SYN3: variants seen among roughly 807,000 people sequenced by gnomAD.
SYN3 encodes the protein synapsin III, also known as synapsin-3.
A neutral mutation model predicts 65.8 loss-of-function variants in SYN3; 35 were observed. The ratio of observed to expected loss-of-function variants is 0.53; its 90% CI spans 0.41 to 0.70. SYN3 has a LOEUF of 0.70. SYN3 is among the 30% of genes least tolerant of loss of function. SYN3 has a pLI of 0.00. For missense variants in SYN3, 680 were observed against 749.0 expected, an observed-to-expected ratio of 0.91 and a Z score of 1.08; for synonymous variants, 270 against 292.9, an observed-to-expected ratio of 0.92 and a Z score of 0.80.
intron 2 of SYN3, among the ~76,000 whole-genome samples, chr22:32,987,836 A>T (rs1237628680): frequency 6.6e-6 from 1 of 152,228 alleles, no homozygotes; most frequent in Non-Finnish European, 1.5e-5. Context: ...CAGCAGATAC[A>T]GTGGCAGATG....
intron 2 of SYN3, among the ~76,000 whole-genome samples, chr22:33,000,894 TG>T (rs2053041247): frequency 6.6e-6 from 1 of 152,148 alleles, no homozygotes; most frequent in Non-Finnish European, 1.5e-5. Context: ...TGGCCGCTCC[TG>T]GTGGCAGGGG....
intron 3 of SYN3, among the ~76,000 whole-genome samples, chr22:32,939,287 A>C (rs956704080): frequency 7.2e-5 from 11 of 152,210 alleles, no homozygotes; most frequent in African/African-American, 2.7e-4. Flanking sequence ...CTCACAGTAT[A>C]TGTGAAGTGG....
At chr22:32,771,908 G>A (rs1358742781) in intron 6 of SYN3, among the ~76,000 whole-genome samples, 1 of 152,172 alleles carries the variant, frequency 6.6e-6, no homozygotes, top group Non-Finnish European at 1.5e-5. Flanking sequence ...AGGGGAGAGG[G>A]AGTACATTTC....
chr22:32,619,386 A>G (rs2059564682), intron 6 of SYN3, among the ~76,000 whole-genome samples: 1 of 152,202 alleles, frequency 6.6e-6, no homozygotes, highest in South Asian at 2.1e-4. Flanking sequence ...TAGGAGTTCC[A>G]CCCCTGTTCT....
At chr22:32,827,819 G>A (rs962361301) in intron 6 of SYN3, among the ~76,000 whole-genome samples, 1 of 152,174 alleles carries the variant, frequency 6.6e-6, no homozygotes, top group African/African-American at 2.4e-5. Context: ...CAGGCTCCAA[G>A]TTTGTCACTG....
intron 6 of SYN3, among the ~76,000 whole-genome samples, chr22:32,708,605 C>T (rs185968742): frequency 2.6e-5 from 4 of 152,176 alleles, no homozygotes; most frequent in African/African-American, 4.8e-5. Flanking sequence ...GGACCCTACC[C>T]GGTGGTTTGG....
chr22:32,523,916 T>C (rs994113815), intron 12 of SYN3, among the ~76,000 whole-genome samples: 6 of 152,174 alleles, frequency 3.9e-5, no homozygotes, highest in African/African-American at 1.4e-4. Flanking sequence ...CAAAACAGCC[T>C]CATTGCTGAT....
chr22:32,879,621 C>T (rs2049074023), intron 4 of SYN3, among the ~76,000 whole-genome samples: 1 of 152,222 alleles, frequency 6.6e-6, no homozygotes, highest in African/African-American at 2.4e-5. Context: ...CCAAAGACTT[C>T]ATCTCCTAAT....
chr22:32,785,774 A>G (rs1246799179), intron 6 of SYN3, among the ~76,000 whole-genome samples: 1 of 152,088 alleles, frequency 6.6e-6, no homozygotes, highest in African/African-American at 2.4e-5. Flanking sequence ...TGGTTTATCC[A>G]TCTGTTTCTG....
intron 1 of SYN3, among the ~76,000 whole-genome samples, chr22:33,046,312 C>T (rs2054063802): frequency 6.6e-6 from 1 of 152,188 alleles, no homozygotes; most frequent in Non-Finnish European, 1.5e-5. Context: ...AAACTTAGCA[C>T]ATATCCTAGC....
intron 1 of SYN3, among the ~76,000 whole-genome samples, chr22:33,050,569 C>T (rs556242967): frequency 5.5e-4 from 83 of 152,216 alleles, no homozygotes; most frequent in African/African-American, 1.9e-3. Context: ...AACCAGGGTC[C>T]TCCAATCTTC....
At chr22:32,731,161 C>T (rs1280515099) in intron 6 of SYN3, among the ~76,000 whole-genome samples, 2 of 152,134 alleles carry the variant, frequency 1.3e-5, no homozygotes, top group African/African-American at 4.8e-5. Flanking sequence ...AGTAAGTGAT[C>T]AATAAATGTA....
intron 6 of SYN3, among the ~76,000 whole-genome samples, chr22:32,677,595 G>A (rs927715227): frequency 6.6e-6 from 1 of 152,118 alleles, no homozygotes; most frequent in East Asian, 1.9e-4. Flanking sequence ...TCAGGAGATC[G>A]AGATCATTCT....
intron 6 of SYN3, among the ~76,000 whole-genome samples, chr22:32,741,711 A>G (rs1676583608): frequency 6.6e-6 from 1 of 152,096 alleles, no homozygotes. Flanking sequence ...TCCTCATAGG[A>G]CAAGCTCTAA....
chr22:32,684,320 G>C (rs1053149752), intron 6 of SYN3, among the ~76,000 whole-genome samples: 13 of 152,154 alleles, frequency 8.5e-5, no homozygotes, highest in African/African-American at 3.1e-4. Context: ...AAGCAGAGCA[G>C]AGAGAGGAGA....
intron 6 of SYN3, among the ~76,000 whole-genome samples, chr22:32,797,919 G>C (rs1962223): frequency 0.84 from 128,363 of 152,250 alleles, 54,641 homozygotes; most frequent in African/African-American, 0.96. Flanking sequence ...ACACAGAAGT[G>C]GACGCCTGGA....
chr22:33,028,763 C>CG (rs1569413572), intron 1 of SYN3, among the ~76,000 whole-genome samples: 4 of 151,542 alleles, frequency 2.6e-5, no homozygotes, highest in East Asian at 1.9e-4. Flanking sequence ...GCACTGTGGC[C>CG]AGCACGGTGG....
At chr22:32,553,860 A>C (rs1284415981) in intron 7 of SYN3, among the ~76,000 whole-genome samples, 1 of 152,074 alleles carries the variant, frequency 6.6e-6, no homozygotes, top group African/African-American at 2.4e-5. Context: ...TCAGAATGCA[A>C]ATGCTTCCTG....
At chr22:32,527,301 A>T (rs534252261) in intron 12 of SYN3, among the ~76,000 whole-genome samples, 1 of 152,342 alleles carries the variant, frequency 6.6e-6, no homozygotes, top group African/African-American at 2.4e-5. Context: ...CTCCTTGGGC[A>T]AAGCCTCAAC....
Sources: allele counts gnomAD v4.1 joint callset (sites outside exome capture counted in the v4.1 genomes callset), GRCh38; gene constraint gnomAD v4.1.1; transcripts MANE v1.5; gene names NCBI Gene and HGNC (gene_info 2026-07-23, HGNC 2026-07-21).